PC: variants seen among roughly 807,000 people sequenced by gnomAD.
The protein encoded by PC is pyruvate carboxylase.
PC carries 46 observed loss-of-function variants against 107.8 expected under a neutral mutation model. That is an observed-to-expected ratio of 0.43 (90% CI 0.34 to 0.55). PC has a LOEUF of 0.55. Among genes scored for constraint, PC ranks in the 20% least tolerant of loss-of-function variants. PC has a pLI of 0.04. For synonymous variants in PC, 662 were observed against 684.7 expected (o/e 0.97, Z 0.52); for missense variants, 1,241 against 1,643.1 (o/e 0.76, Z 4.23).
rs769056864 is a variant in PC at position 66,848,902 on chromosome 11, C to G, written c.3534G>C (p.Glu1178Asp). The G allele has an allele frequency of 1.9e-6, 3 of 1,613,698 alleles. No individual in the cohort carries two copies. Among genetic ancestry groups the G allele is most frequent in the African/African-American group, 1.3e-5 (1 of 74,942 alleles). The change falls in exon 23 of 23, where the codon GAG (glutamate) becomes GAC (aspartate). Residue 1178 changes from glutamate to aspartate, a missense_variant. Physicochemically the swap from Glu to Asp is conservative, Grantham distance 45 (BLOSUM62 2). This residue lies in a region of PC where 98 missense variants were observed against 91.2 expected (regional missense o/e 1.07). Coordinates refer to ENST00000393960, the MANE Select transcript of PC (RefSeq NM_001040716.2). ...AGGCTGCCGGTCTGGGGCAAGATCA[C>G]TCGATCTCCAGGATGAGGTCGTCAC... ...LEGDDLILEI[E>D]
At chr11:66,942,772 G>A (rs1186212489) in intron 3 of PC, among the ~76,000 whole-genome samples, 2 of 152,146 alleles carry the variant, frequency 1.3e-5, no homozygotes, top group Admixed American at 6.5e-5. Flanking sequence ...CAGCACTTTG[G>A]GAGGCCGAGG....
rs1947424193 is a variant in PC, at chr11:66,887,729, A to G, written c.1-15570T>C. Among the ~76,000 whole-genome samples, 3 of 152,240 alleles carry G rather than the reference A, an allele frequency of 2.0e-5. No individual in the cohort carries two copies. In the South Asian group the frequency reaches 6.2e-4, roughly 32 times the overall value. On this transcript the variant is annotated intron_variant, in intron 3 of 22. Transcript: ENST00000393960. ...TCCCGGGACTGAAGGACGCGTATCC[A>G]TGTGGAAAGGTCTTGGAGCGCCTGG...
chr11:66,913,662 C>CA (rs11345088), intron 3 of PC, among the ~76,000 whole-genome samples: 2 of 129,006 alleles, frequency 1.6e-5, no homozygotes, highest in Non-Finnish European at 3.3e-5. Flanking sequence ...AACTCTGTCT[C>CA]AAAAAAAAAA....
At chr11:66,854,014 A>G (rs1205903974) in intron 12 of PC, among the ~76,000 whole-genome samples, 1 of 152,232 alleles carries the variant, frequency 6.6e-6, no homozygotes, top group Non-Finnish European at 1.5e-5. Flanking sequence ...CAGCAAGTCC[A>G]CGGCCAGCTT....
Position 66,857,789 on chromosome 11 carries a change from C to T in PC, c.1369-4406G>A. ...TGCTGCTGCTGGCCAGTGGAGCGGC[C>T]GCCTGCCCGCTGCCCTGCGTCTGCC... On this transcript the variant is annotated intron_variant, in intron 12 of 22. Coordinates refer to ENST00000393960, the MANE Select transcript of PC (RefSeq NM_001040716.2). The surrounding 1 kb of genome is among the most constrained non-coding windows in gnomAD (Gnocchi z 7.1). The T allele has an allele frequency of 8.1e-6, 13 of 1,597,536 alleles. No homozygotes were observed. Among genetic ancestry groups the T allele is most frequent in the Non-Finnish European group, 9.3e-6 (11 of 1,178,374 alleles).
intron 3 of PC, among the ~76,000 whole-genome samples, chr11:66,888,374 G>C (rs1377372604): frequency 6.6e-6 from 1 of 152,240 alleles, no homozygotes; most frequent in Non-Finnish European, 1.5e-5. Context: ...CCAGGCCTTG[G>C]GAGGTGTGCC....
At position 66,849,764 on chromosome 11, in the gene PC, A is replaced by T. The variant is rs377281064; in HGVS notation, c.2994T>A (p.His998Gln). 4 of 1,614,006 alleles carry T rather than the reference A, an allele frequency of 2.5e-6. No homozygotes were observed. In the South Asian group the frequency reaches 4.4e-5, roughly 18 times the overall value. ...QALEKELVDRHGEEVTPEDVL... is the reference protein window; with the variant it reads ...QALEKELVDRQGEEVTPEDVL... ...CATCTTCCGGCGTCACCTCCTCCCC[A>T]TGCCGGTCTACCAGCTCCTTCTCCA... is the stretch of plus-strand genomic sequence containing the variant. The change falls in exon 21 of 23, where the codon CAT (histidine) becomes CAA (glutamine). Residue 998 changes from histidine (H) to glutamine (Q), a missense_variant. By Grantham distance (24) the His-to-Gln change is conservative. Around this residue, in one of 2 missense-constraint regions of PC, gnomAD observed 1,143 missense variants for 1,551.9 expected, o/e 0.74. Transcript: ENST00000393960.
intron 3 of PC, among the ~76,000 whole-genome samples, chr11:66,935,462 A>C (rs1054336055): frequency 3.9e-5 from 6 of 152,220 alleles, no homozygotes; most frequent in African/African-American, 1.4e-4. Context: ...GTAGACTCCC[A>C]GTTGGCCACA....
intron 12 of PC, among the ~76,000 whole-genome samples, chr11:66,861,622 G>A (rs185935626): frequency 2.4e-3 from 362 of 152,128 alleles, no homozygotes; most frequent in African/African-American, 8.2e-3. Flanking sequence ...ACGCCATGGA[G>A]GAGTGGGCGG....
chr11:66,889,396 C>A (rs911525213), intron 3 of PC, among the ~76,000 whole-genome samples: 1 of 151,726 alleles, frequency 6.6e-6, no homozygotes, highest in South Asian at 2.1e-4. Context: ...TATTTGAGAG[C>A]GTCTCACTCT....
Position 66,848,961 on chromosome 11 carries a change from T to C in PC, c.3475A>G (p.Lys1159Glu), listed in dbSNP as rs751432105. The change falls in exon 23 of 23, where the codon AAG becomes GAG. Residue 1159 changes from lysine (K) to glutamate (E), a missense_variant. This residue lies in a region of PC where 98 missense variants were observed against 91.2 expected (regional missense o/e 1.07). Transcript: ENST00000393960. Reference protein sequence around the residue: ...VTSPMEGTVRKVHVTKDMTLE... With the variant: ...VTSPMEGTVREVHVTKDMTLE... The stretch of plus-strand genomic sequence containing the variant: ...GTCATGTCCTTGGTCACATGAACCT[T>C]GCGGACAGTACCCTCCATGGGTGAG... 56 of 1,613,932 alleles carry C rather than the reference T, an allele frequency of 3.5e-5. 2 individuals are homozygous for C. The South Asian group carries it at 5.7e-4, about 16-fold the overall frequency.
intron 3 of PC, among the ~76,000 whole-genome samples, chr11:66,930,849 T>A (rs1256623097): frequency 1.4e-5 from 2 of 147,164 alleles, no homozygotes; most frequent in Non-Finnish European, 3.0e-5. Context: ...ACAGAAAGGA[T>A]CAACACACTG....
intron 3 of PC, among the ~76,000 whole-genome samples, chr11:66,888,733 T>C (rs1331246485): frequency 6.6e-6 from 1 of 152,248 alleles, no homozygotes; most frequent in South Asian, 2.1e-4. Context: ...AATGCCACCA[T>C]AGTAGACACT....
At chr11:66,865,150 G>A (rs1247628081) in intron 11 of PC, among the ~76,000 whole-genome samples, 2 of 152,204 alleles carry the variant, frequency 1.3e-5, no homozygotes, top group Non-Finnish European at 2.9e-5. Context: ...GAAACAGAAG[G>A]CAGGTGGCCA....
At chr11:66,882,810 G>C (rs943169250) in intron 3 of PC, among the ~76,000 whole-genome samples, 1 of 152,210 alleles carries the variant, frequency 6.6e-6, no homozygotes, top group Non-Finnish European at 1.5e-5. Context: ...ACGGGCCCCA[G>C]GGCTGGCAGC....
At chr11:66,920,811 G>A (rs190154995) in intron 3 of PC, among the ~76,000 whole-genome samples, 25 of 152,124 alleles carry the variant, frequency 1.6e-4, no homozygotes, top group Middle Eastern at 6.8e-3. Context: ...TTGGGAGGCC[G>A]AGGCAGGTGG....
chr11:66,850,848 G>A lies in PC; in HGVS notation c.2299C>T (p.Pro767Ser). 1 of 1,611,998 alleles carries A rather than the reference G, an allele frequency of 6.2e-7. No individual in the cohort carries two copies. The highest frequency in any genetic ancestry group is 8.5e-7 in the Non-Finnish European group (1 of 1,180,000). ...SSLRDRFPDL[P>S]LHIHTHDTSG... The stretch of plus-strand genomic sequence containing the variant: ...GTGTCGTGGGTGTGGATGTGCAGTG[G>A]GAGGTCGGGGAAGCGGTCCCGGAGG... Residue 767 changes from proline to serine, a missense_variant, in exon 18 of 23, where the codon CCA (proline) becomes TCA (serine). By Grantham distance (74) the Pro-to-Ser change is moderately conservative (BLOSUM62 -1). This residue lies in a region of PC where 1,143 missense variants were observed against 1,551.9 expected (regional missense o/e 0.74). Transcript: ENST00000393960.
intron 1 of PC, among the ~76,000 whole-genome samples, chr11:66,954,932 G>C (rs1949523021): frequency 6.6e-6 from 1 of 150,710 alleles, no homozygotes. Context: ...AACAAAACAA[G>C]ACTCCGTCTC....
chr11:66,872,133 C>A lies in PC; in HGVS notation c.27G>T (p.Gly9=). 6.3e-7 allele frequency: 1 copy of A among 1,581,914 alleles called. No homozygotes were observed. Among genetic ancestry groups the A allele is most frequent in the East Asian group, 2.3e-5 (1 of 42,650 alleles). The change falls in exon 4 of 23, where the codon GGG becomes GGT. Residue 9 remains glycine (G), a synonymous_variant. Coordinates refer to ENST00000393960, the MANE Select transcript of PC (RefSeq NM_001040716.2). MLKFRTVH[G]GLRLLGIRRT... is the part of the protein sequence containing the mutation. Reference sequence around the variant, plus strand: ...GGCGGATTCCCAGGAGCCTCAGGCCCCCATGGACTGTTCGGAACTTCAGCA... The same window carrying A: ...GGCGGATTCCCAGGAGCCTCAGGCCACCATGGACTGTTCGGAACTTCAGCA...
Sources: allele counts gnomAD v4.1 joint callset (sites outside exome capture counted in the v4.1 genomes callset), GRCh38; gene constraint gnomAD v4.1.1; regional missense constraint gnomAD v4.1.1; non-coding constraint Gnocchi (gnomAD v3.1); transcripts MANE v1.5; gene names NCBI Gene and HGNC (gene_info 2026-07-23, HGNC 2026-07-21).